The following SNX6 variants were observed in gnomAD, a reference collection of about 807,000 sequenced individuals.
The protein encoded by SNX6 is sorting nexin-6.
A neutral mutation model predicts 63.0 loss-of-function variants in SNX6; 34 were observed. The observed-to-expected ratio is 0.54, with a 90% confidence interval of 0.41 to 0.72. The LOEUF is 0.72. Among genes scored for constraint, SNX6 ranks in the 30% least tolerant of loss-of-function variants. SNX6 has a pLI of 0.00. For missense variants in SNX6, 398 were observed against 471.4 expected, an observed-to-expected ratio of 0.84 and a Z score of 1.44; for synonymous variants, 170 against 164.2, an observed-to-expected ratio of 1.04 and a Z score of -0.27.
At chr14:34,608,506 CA>C (rs1883105567) in intron 3 of SNX6, among the ~76,000 whole-genome samples, 1 of 152,076 alleles carries the variant, frequency 6.6e-6, no homozygotes, top group African/African-American at 2.4e-5. Flanking sequence ...TAAAAAAATT[CA>C]TCTTATTTCA....
intron 2 of SNX6, among the ~76,000 whole-genome samples, chr14:34,610,707 T>G (rs1261718861): frequency 6.6e-6 from 1 of 152,172 alleles, no homozygotes. Flanking sequence ...CTTATTAATT[T>G]TTAAACTTCA....
chr14:34,591,375 A>T (rs1354056806), intron 8 of SNX6, among the ~76,000 whole-genome samples: 1 of 152,186 alleles, frequency 6.6e-6, no homozygotes, highest in African/African-American at 2.4e-5. Context: ...AATTCAATGT[A>T]CAATTTTTTA....
chr14:34,597,733 A>G, intron 6 of SNX6, 88 bp from the exon 7 acceptor site: 1 of 698,286 alleles, frequency 1.4e-6, no homozygotes. Context: ...GCAATCTCAA[A>G]AGGATCCTAG....
intron 6 of SNX6, among the ~76,000 whole-genome samples, chr14:34,599,070 C>T (rs571434068): frequency 3.9e-5 from 6 of 152,322 alleles, no homozygotes; most frequent in African/African-American, 1.4e-4. Context: ...TCACCAGACA[C>T]GCAATCTGCT....
chr14:34,621,757 C>A (rs1324867434), intron 2 of SNX6, among the ~76,000 whole-genome samples: 1 of 152,166 alleles, frequency 6.6e-6, no homozygotes, highest in African/African-American at 2.4e-5. Flanking sequence ...CCTGTCTATT[C>A]TATCTCCTAA....
intron 13 of SNX6, among the ~76,000 whole-genome samples, chr14:34,567,087 G>C (rs1881216140): frequency 6.6e-6 from 1 of 152,036 alleles, no homozygotes. Context: ...AGCTGGGTGT[G>C]GTGGCACGCA....
intron 7 of SNX6, among the ~76,000 whole-genome samples, chr14:34,597,205 G>A (rs945491223): frequency 2.0e-5 from 3 of 152,160 alleles, no homozygotes; most frequent in South Asian, 2.1e-4. Flanking sequence ...TGGAATACAC[G>A]TGAATGGCAT....
At chr14:34,576,836 C>A (rs1458600775) in intron 10 of SNX6, among the ~76,000 whole-genome samples, 1 of 151,550 alleles carries the variant, frequency 6.6e-6, no homozygotes, top group Admixed American at 6.6e-5. Flanking sequence ...GTATTCCTGG[C>A]ACTTTGGGAG....
At position 34,612,728 on chromosome 14, in the gene SNX6, C is replaced by T. The variant is rs940152363; in HGVS notation, c.55-2986G>A. 4.0e-5 allele frequency among the ~76,000 whole-genome samples: 6 copies of T among 151,788 alleles called. 1 individual carries two copies. The highest frequency in any genetic ancestry group is 1.4e-4 in the African/African-American group (6 of 41,384). On this transcript the variant is annotated intron_variant, in intron 2 of 13. Transcript: ENST00000362031. ...GGATTATAGGCGTGAGCCACCACGC[C>T]GAGCCAGGACATTATCCTTATATAT...
intron 13 of SNX6, among the ~76,000 whole-genome samples, chr14:34,564,915 C>T (rs959628916): frequency 6.6e-6 from 1 of 151,594 alleles, no homozygotes; most frequent in Non-Finnish European, 1.5e-5. Context: ...GTGTAAAAGG[C>T]TAAATAATAA....
intron 2 of SNX6, among the ~76,000 whole-genome samples, chr14:34,612,634 A>T (rs930067471): frequency 2.0e-5 from 3 of 151,890 alleles, no homozygotes; most frequent in African/African-American, 7.2e-5. Flanking sequence ...GGCTTTTGCC[A>T]CGTTAGCCAG....
At chr14:34,583,870 G>A (rs566488382) in intron 9 of SNX6, among the ~76,000 whole-genome samples, 5 of 121,376 alleles carry the variant, frequency 4.1e-5, no homozygotes, top group Non-Finnish European at 1.8e-5. Context: ...TTTTTAAGAC[G>A]GAGTTTCTCT....
At chr14:34,566,706 A>T (rs4598814) in intron 13 of SNX6, among the ~76,000 whole-genome samples, 1 of 152,048 alleles carries the variant, frequency 6.6e-6, no homozygotes, top group Non-Finnish European at 1.5e-5. Flanking sequence ...TAAAATTACT[A>T]TAAGGTTTAG....
chr14:34,629,119 TA>T (rs1051482826), intron 2 of SNX6, among the ~76,000 whole-genome samples: 2 of 146,526 alleles, frequency 1.4e-5, no homozygotes, highest in African/African-American at 4.9e-5. Flanking sequence ...GAAATTTGCT[TA>T]GATCTCAAAT....
intron 6 of SNX6, among the ~76,000 whole-genome samples, chr14:34,600,646 T>C (rs1882774252): frequency 6.6e-6 from 1 of 152,178 alleles, no homozygotes. Flanking sequence ...GCAAAAATTA[T>C]GAATTAATCT....
chr14:34,595,288 C>T (rs1230380958), intron 7 of SNX6, among the ~76,000 whole-genome samples: 1 of 152,056 alleles, frequency 6.6e-6, no homozygotes, highest in Non-Finnish European at 1.5e-5. Context: ...CAGCCACGTG[C>T]CACCATGCCT....
At position 34,562,651 on chromosome 14, in the gene SNX6, A is replaced by G. The variant is rs182393220; in HGVS notation, c.*471T>C. 5 of 153,086 alleles carry G rather than the reference A, an allele frequency of 3.3e-5. No individual in the cohort carries two copies. Among genetic ancestry groups the G allele is most frequent in the African/African-American group, 1.2e-4 (5 of 41,502 alleles). 9.5% of individuals were successfully genotyped at this position (153,086 alleles called of 1,614,324 possible). ...GTAATTAAAAATAAGTCTGATTAAG[A>G]TGCTTTACCAGGATACATGAATGAA... On this transcript the variant is annotated 3_prime_UTR_variant, in exon 14 of 14. Coordinates refer to ENST00000362031, the MANE Select transcript of SNX6 (RefSeq NM_152233.4).
At chr14:34,584,889 G>T (rs991770837) in intron 9 of SNX6, among the ~76,000 whole-genome samples, 1 of 144,360 alleles carries the variant, frequency 6.9e-6, no homozygotes, top group Non-Finnish European at 1.5e-5. Context: ...TTTTGCTCTT[G>T]TTGCCCAGGC....
intron 3 of SNX6, among the ~76,000 whole-genome samples, chr14:34,608,929 G>A (rs1367416607): frequency 4.6e-5 from 7 of 152,104 alleles, no homozygotes; most frequent in Admixed American, 4.6e-4. Context: ...TTAGGAGGCT[G>A]AGACAGGAGA....
Sources: allele counts gnomAD v4.1 joint callset (sites outside exome capture counted in the v4.1 genomes callset), GRCh38; gene constraint gnomAD v4.1.1; transcripts MANE v1.5; gene names NCBI Gene and HGNC (gene_info 2026-07-23, HGNC 2026-07-21).